RALYL: variants seen among roughly 807,000 people sequenced by gnomAD.
RALYL encodes the protein RALY RNA binding protein like.
Under a neutral mutation model 35.1 loss-of-function variants are expected in RALYL, and 29 were observed. That is an observed-to-expected ratio of 0.83 (90% CI 0.61 to 1.13). RALYL has a LOEUF of 1.13. Among genes scored for constraint, RALYL ranks in the 50% most tolerant of loss-of-function variants. The pLI, the probability that RALYL is intolerant of heterozygous loss-of-function variation, is 0.00. For missense variants in RALYL, 359 were observed against 360.4 expected (o/e 1.00, Z 0.03); for synonymous variants, 120 against 127.6 (o/e 0.94, Z 0.40).
chr8:84,405,222 G>C (rs772364422), intron 1 of RALYL, among the ~76,000 whole-genome samples: 13 of 152,194 alleles, frequency 8.5e-5, no homozygotes, highest in Non-Finnish European at 1.8e-4. Flanking sequence ...GCAGTGTTTA[G>C]AGGGAAATTT....
chr8:84,691,533 T>A (rs1338267795), intron 2 of RALYL, among the ~76,000 whole-genome samples: 3 of 152,154 alleles, frequency 2.0e-5, no homozygotes, highest in African/African-American at 7.2e-5. Flanking sequence ...ATTATCTGAT[T>A]ATATTCCTAA....
intron 2 of RALYL, among the ~76,000 whole-genome samples, chr8:84,721,216 A>AG (rs1190022842): frequency 6.8e-6 from 1 of 146,742 alleles, no homozygotes; most frequent in Non-Finnish European, 1.5e-5. Flanking sequence ...AAAAAAAAAA[A>AG]GAAAGAAAGA....
intron 2 of RALYL, among the ~76,000 whole-genome samples, chr8:84,763,607 C>G (rs1034429590): frequency 6.6e-6 from 1 of 152,070 alleles, no homozygotes; most frequent in African/African-American, 2.4e-5. Flanking sequence ...TCTGGATTTT[C>G]TTCTATTCAT....
intron 1 of RALYL, among the ~76,000 whole-genome samples, chr8:84,219,224 C>T (rs563083304): frequency 1.1e-4 from 16 of 152,120 alleles, no homozygotes; most frequent in African/African-American, 2.2e-4. Context: ...GATTATGAGG[C>T]GGTTTTCTCC....
intron 2 of RALYL, among the ~76,000 whole-genome samples, chr8:84,665,314 C>A (rs1302218195): frequency 6.6e-6 from 1 of 151,852 alleles, no homozygotes; most frequent in Admixed American, 6.6e-5. Context: ...TTTTTTTAAT[C>A]AGGATGATTC....
intron 1 of RALYL, among the ~76,000 whole-genome samples, chr8:84,397,046 G>A (rs1328435000): frequency 6.6e-6 from 1 of 152,016 alleles, no homozygotes; most frequent in Non-Finnish European, 1.5e-5. Flanking sequence ...TACCCAGTTG[G>A]GCCCAATGTA....
At chr8:84,800,932 T>A (rs1401170163) in intron 3 of RALYL, among the ~76,000 whole-genome samples, 2 of 152,174 alleles carry the variant, frequency 1.3e-5, no homozygotes, top group Non-Finnish European at 2.9e-5. Flanking sequence ...CCAGGAACAG[T>A]GCTAGATGCT....
At chr8:84,800,592 GTAT>G (rs1369494807) in intron 3 of RALYL, among the ~76,000 whole-genome samples, 1 of 151,996 alleles carries the variant, frequency 6.6e-6, no homozygotes, top group Non-Finnish European at 1.5e-5. Context: ...CCTGAATGAA[GTAT>G]TATTAAATTC....
In RALYL at chr8:84,680,451, T is replaced by A. The variant is rs1395386999; in HGVS notation, c.257-94128T>A. Among the ~76,000 whole-genome samples the A allele has an allele frequency of 2.6e-5, 4 of 152,166 alleles. No homozygotes were observed. In the East Asian group the frequency reaches 7.7e-4, roughly 29 times the overall value. ...CTGACTTCCACAATGATTGAACTAG[T>A]TTACAGTCCCACAACAGTTTAAAAG... On this transcript the variant is annotated intron_variant, in intron 2 of 8. Coordinates refer to ENST00000521268, the MANE Select transcript of RALYL (RefSeq NM_173848.7).
chr8:84,877,776 T>C (rs1841450692), intron 7 of RALYL, among the ~76,000 whole-genome samples: 1 of 152,168 alleles, frequency 6.6e-6, no homozygotes, highest in Non-Finnish European at 1.5e-5. Flanking sequence ...TCAACACAGA[T>C]TACGTTGCTC....
At chr8:84,643,679 G>T (rs1043607401) in intron 2 of RALYL, among the ~76,000 whole-genome samples, 1 of 152,054 alleles carries the variant, frequency 6.6e-6, no homozygotes, top group Non-Finnish European at 1.5e-5. Flanking sequence ...CTTGCTGCTT[G>T]CAGAGCCCAG....
chr8:84,663,479 C>G (rs1431639157), intron 2 of RALYL, among the ~76,000 whole-genome samples: 1 of 152,154 alleles, frequency 6.6e-6, no homozygotes, highest in Non-Finnish European at 1.5e-5. Context: ...ACCTCACCAG[C>G]ATCTGTTGCT....
intron 3 of RALYL, among the ~76,000 whole-genome samples, chr8:84,797,648 A>G (rs373288241): frequency 1.8e-4 from 28 of 152,210 alleles, no homozygotes; most frequent in South Asian, 6.2e-4. Flanking sequence ...TGCAGTTAAA[A>G]AAAAAGAAGT....
chr8:84,590,738 C>A (rs1182297775), intron 2 of RALYL, among the ~76,000 whole-genome samples: 1 of 152,096 alleles, frequency 6.6e-6, no homozygotes, highest in Non-Finnish European at 1.5e-5. Context: ...TTGGATACTG[C>A]CAAGCAATAA....
intron 1 of RALYL, among the ~76,000 whole-genome samples, chr8:84,233,748 T>A (rs1024752855): frequency 1.3e-5 from 2 of 152,230 alleles, no homozygotes; most frequent in Admixed American, 6.5e-5. Context: ...TTCTGGGGTC[T>A]CATGGGTATT....
intron 1 of RALYL, among the ~76,000 whole-genome samples, chr8:84,274,628 A>G (rs764056354): frequency 1.3e-5 from 2 of 152,196 alleles, no homozygotes; most frequent in Admixed American, 1.3e-4. Context: ...TGCTGACACC[A>G]TAAGAGACTG....
chr8:84,583,742 T>C (rs1345342438), intron 2 of RALYL, among the ~76,000 whole-genome samples: 1 of 152,132 alleles, frequency 6.6e-6, no homozygotes, highest in Admixed American at 6.5e-5. Context: ...ACATTTTTAT[T>C]ATATAGTATA....
chr8:84,210,725 T>G (rs1210173220), intron 1 of RALYL, among the ~76,000 whole-genome samples: 1 of 152,152 alleles, frequency 6.6e-6, no homozygotes, highest in Non-Finnish European at 1.5e-5. Flanking sequence ...TTTTATTATA[T>G]TTTATTTTCA....
chr8:84,430,375 A>C (rs2132665291), intron 1 of RALYL, among the ~76,000 whole-genome samples: 1 of 152,288 alleles, frequency 6.6e-6, no homozygotes, highest in East Asian at 1.9e-4. Flanking sequence ...GGGAATATTC[A>C]TTGCTTTATG....
Sources: gnomAD v4.1 joint callset for allele counts (sites outside exome capture counted in the v4.1 genomes callset) on GRCh38, gnomAD v4.1.1 for gene constraint, MANE v1.5 for transcripts, NCBI Gene and HGNC (gene_info 2026-07-23, HGNC 2026-07-21) for gene names.